The following SYAP1 variants were observed in gnomAD, a reference collection of about 807,000 sequenced individuals.
The protein encoded by SYAP1 is synapse associated protein 1.
SYAP1 carries 3 observed loss-of-function variants against 29.6 expected under a neutral mutation model. The ratio of observed to expected loss-of-function variants is 0.10; its 90% CI spans 0.05 to 0.26. The LOEUF is 0.26. Among genes scored for constraint, SYAP1 ranks in the 10% least tolerant of loss-of-function variants. The probability of loss-of-function intolerance (pLI) is 1.00; values close to 1 mark genes in which losing one functional copy is unlikely to be tolerated. For missense variants in SYAP1, 217 were observed against 264.1 expected (o/e 0.82, Z 1.24); for synonymous variants, 102 against 102.7 (o/e 0.99, Z 0.04).
chrX:16,719,930 G>C (rs1400553477), intron 1 of SYAP1, 31 bp downstream of exon 1: 10 of 1,143,191 alleles, frequency 8.7e-6, no homozygotes, highest in Non-Finnish European at 1.0e-5. Context: ...GGACCGGGAA[G>C]GGGGGGGCGC....
Position 16,724,105 on chromosome X carries a change from T to G in SYAP1, c.175+4206T>G, listed in dbSNP as rs1926028231. Among the ~76,000 whole-genome samples, 3 of 112,238 alleles carry G rather than the reference T, an allele frequency of 2.7e-5. No homozygotes were observed. In the South Asian group the frequency reaches 1.1e-3, roughly 41 times the overall value. On this transcript the variant is annotated intron_variant, in intron 1 of 8. Coordinates refer to ENST00000380155, the MANE Select transcript of SYAP1 (RefSeq NM_032796.4). ...GGGACTCAGCATATAGTTGTATTCA[T>G]GGCCGTGATGTATTGCAATGAAAGA...
chrX:16,755,166 A>G (rs1020385817), intron 6 of SYAP1, 73 bp downstream of exon 6: 1 of 1,039,872 alleles, frequency 9.6e-7, no homozygotes, highest in African/African-American at 1.9e-5. Context: ...TTGACCTCTT[A>G]TACGTACCAG....
At chrX:16,739,108 G>A (rs1926393244) in intron 3 of SYAP1, among the ~76,000 whole-genome samples, 1 of 111,662 alleles carries the variant, frequency 9.0e-6, no homozygotes, top group African/African-American at 3.3e-5. Flanking sequence ...GAAGAGACTT[G>A]GAATGGAGAC....
chrX:16,751,004 T>G (rs1202851199), intron 5 of SYAP1, among the ~76,000 whole-genome samples: 6 of 107,820 alleles, frequency 5.6e-5, no homozygotes, highest in African/African-American at 2.0e-4. Flanking sequence ...TGACCTCAGG[T>G]GATCCGCCCT....
At chrX:16,756,061 A>G (rs965252363) in intron 6 of SYAP1, among the ~76,000 whole-genome samples, 1 of 111,750 alleles carries the variant, frequency 8.9e-6, no homozygotes, top group Admixed American at 9.6e-5. Flanking sequence ...ATGCATCCCA[A>G]TTGTCTGTTA....
intron 1 of SYAP1, among the ~76,000 whole-genome samples, chrX:16,728,675 CTAAA>C (rs763079040): frequency 6.6e-5 from 7 of 105,866 alleles, no homozygotes; most frequent in South Asian, 8.3e-4. Flanking sequence ...AAAAAAAAAA[CTAAA>C]TAAAGAGGAC....
At chrX:16,744,344 C>T (rs952955047) in intron 5 of SYAP1, among the ~76,000 whole-genome samples, 1 of 112,499 alleles carries the variant, frequency 8.9e-6, no homozygotes, top group African/African-American at 3.2e-5. Context: ...CCACCTTCCC[C>T]GCTGCTGCTT....
chrX:16,747,484 A>G (rs1926633757), intron 5 of SYAP1, among the ~76,000 whole-genome samples: 1 of 112,254 alleles, frequency 8.9e-6, no homozygotes, highest in Non-Finnish European at 1.9e-5. Context: ...TGTGGCTCTC[A>G]AGACCAGCAA....
At chrX:16,734,670 C>T (rs1926284070) in intron 1 of SYAP1, among the ~76,000 whole-genome samples, 1 of 110,298 alleles carries the variant, frequency 9.1e-6, no homozygotes, top group African/African-American at 3.3e-5. Context: ...TTTGAAGCAG[C>T]TACTGGGAAG....
At chrX:16,725,917 G>A (rs1926073573) in intron 1 of SYAP1, among the ~76,000 whole-genome samples, 1 of 111,986 alleles carries the variant, frequency 8.9e-6, no homozygotes, top group African/African-American at 3.2e-5. Flanking sequence ...TGTTTCTGAG[G>A]AAGGGATAAA....
chrX:16,737,150 G>A (rs761176473), intron 3 of SYAP1, among the ~76,000 whole-genome samples: 19 of 110,930 alleles, frequency 1.7e-4, no homozygotes, highest in South Asian at 3.8e-4. Flanking sequence ...AGGCCAAGGC[G>A]CGAGGATCAC....
chrX:16,727,561 T>A (rs1344334991), intron 1 of SYAP1, among the ~76,000 whole-genome samples: 3 of 112,200 alleles, frequency 2.7e-5, no homozygotes, highest in Non-Finnish European at 3.8e-5. Context: ...CAGGCTGGTC[T>A]CAAACTCCTG....
chrX:16,749,794 A>T (rs907805626), intron 5 of SYAP1, among the ~76,000 whole-genome samples: 5 of 109,107 alleles, frequency 4.6e-5, no homozygotes, highest in African/African-American at 1.7e-4. Flanking sequence ...TGTGCCTGTA[A>T]TCCCAGCTAC....
chrX:16,739,701 A>G (rs1926413798), intron 3 of SYAP1, among the ~76,000 whole-genome samples: 1 of 110,407 alleles, frequency 9.1e-6, no homozygotes, highest in African/African-American at 3.3e-5. Flanking sequence ...GGTCCTCCTT[A>G]TTGTTTGCTT....
chrX:16,743,221 G>A (rs887125175), intron 4 of SYAP1, among the ~76,000 whole-genome samples: 10 of 109,200 alleles, frequency 9.2e-5, no homozygotes, highest in Non-Finnish European at 5.7e-5. Flanking sequence ...CCAGCTACTC[G>A]GGAGGCTGAG....
intron 5 of SYAP1, among the ~76,000 whole-genome samples, chrX:16,746,150 C>A (rs1926597288): frequency 1.0e-5 from 1 of 98,721 alleles, no homozygotes; most frequent in Non-Finnish European, 2.0e-5. Context: ...CTCCCCAACC[C>A]TCCCATAAGA....
At chrX:16,750,226 G>A (rs189106253) in intron 5 of SYAP1, among the ~76,000 whole-genome samples, 35 of 111,841 alleles carry the variant, frequency 3.1e-4, no homozygotes, top group African/African-American at 1.0e-3. Context: ...TGATGCAGCC[G>A]AAGATTTCAT....
intron 6 of SYAP1, 65 bp downstream of exon 6, chrX:16,755,158 G>T: frequency 9.2e-7 from 1 of 1,088,166 alleles, no homozygotes; most frequent in South Asian, 1.9e-5. Flanking sequence ...AAATGAGCTT[G>T]ACCTCTTATA....
In SYAP1 at chrX:16,761,210, CAAAAAAAAAAAA is replaced by C. The variant is rs34332618; in HGVS notation, c.*860_*871del. 1 of 48,933 alleles carries C rather than the reference CAAAAAAAAAAAA, an allele frequency of 2.0e-5. No individual in the cohort carries two copies. Among genetic ancestry groups the C allele is most frequent in the African/African-American group, 7.5e-5 (1 of 13,341 alleles). 4.0% of individuals were successfully genotyped at this position (48,933 alleles called of 1,213,427 possible). On this transcript the variant is annotated 3_prime_UTR_variant, in exon 9 of 9. Coordinates refer to ENST00000380155, the MANE Select transcript of SYAP1 (RefSeq NM_032796.4). ...TGGGTGATAGAGTGAGATTCAGTCT[CAAAAAAAAAAAA>C]AAAAAAAAGCTGTGCGAAAATATTT...
Sources: allele counts gnomAD v4.1 joint callset (sites outside exome capture counted in the v4.1 genomes callset), GRCh38; gene constraint gnomAD v4.1.1; transcripts MANE v1.5; gene names NCBI Gene and HGNC (gene_info 2026-07-23, HGNC 2026-07-21).